Variants in CRYZL1 observed in about 807,000 individuals in gnomAD.
The protein encoded by CRYZL1 is crystallin zeta like 1.
In CRYZL1, 34 loss-of-function variants were observed where a neutral mutation model predicts 50.6. The ratio of observed to expected loss-of-function variants is 0.67; its 90% confidence interval spans 0.51 to 0.89. The LOEUF (loss-of-function observed/expected upper bound fraction) is 0.89. Among genes scored for constraint, CRYZL1 ranks in the 40% least tolerant of loss-of-function variants. CRYZL1 has a pLI of 0.00. For missense variants in CRYZL1, 354 were observed against 402.3 expected (o/e 0.88, Z 1.03); for synonymous variants, 125 against 134.3 (o/e 0.93, Z 0.48).
At chr21:33,641,230 G>A in intron 1 of CRYZL1, 1 of 1,550,592 alleles carries the variant, frequency 6.4e-7, no homozygotes, top group Non-Finnish European at 8.7e-7. Context: ...GGCCGATCTG[G>A]CTCAAAAGCC....
At chr21:33,634,782 C>T (rs572438433) in intron 1 of CRYZL1, among the ~76,000 whole-genome samples, 1 of 151,842 alleles carries the variant, frequency 6.6e-6, no homozygotes, top group Admixed American at 6.6e-5. Context: ...CCCAGATAAG[C>T]AGTCACATGG....
chr21:33,595,966 TTAA>T, intron 10 of CRYZL1, 130 bp from the exon 11 acceptor site: 1 of 669,820 alleles, frequency 1.5e-6, no homozygotes, highest in Non-Finnish European at 2.7e-6. Context: ...CACATAAACT[TTAA>T]TAACGTAAAC....
intron 1 of CRYZL1, among the ~76,000 whole-genome samples, chr21:33,634,535 G>A (rs1324836239): frequency 2.0e-5 from 3 of 150,510 alleles, no homozygotes; most frequent in African/African-American, 4.9e-5. Context: ...ATGAAACCTT[G>A]CTTTATTTAT....
At chr21:33,638,035 T>G (rs1032985962) in intron 1 of CRYZL1, among the ~76,000 whole-genome samples, 2 of 152,026 alleles carry the variant, frequency 1.3e-5, no homozygotes, top group African/African-American at 4.8e-5. Flanking sequence ...ATTTTAACAA[T>G]GTTCACATTA....
intron 6 of CRYZL1, among the ~76,000 whole-genome samples, chr21:33,610,065 G>C (rs2086855308): frequency 6.6e-6 from 1 of 150,966 alleles, no homozygotes; most frequent in Admixed American, 6.6e-5. Flanking sequence ...GCCAAGGCTG[G>C]TCTTGAACTC....
intron 6 of CRYZL1, among the ~76,000 whole-genome samples, chr21:33,606,428 C>A (rs1037192823): frequency 1.3e-5 from 2 of 151,720 alleles, no homozygotes; most frequent in Admixed American, 1.3e-4. Flanking sequence ...GAGTTTGAGA[C>A]TAGCCTGGCC....
At chr21:33,590,104 G>A (rs745579730) in intron 12 of CRYZL1, among the ~76,000 whole-genome samples, 183 bp from the exon 13 acceptor site, 3 of 151,904 alleles carry the variant, frequency 2.0e-5, no homozygotes, top group East Asian at 1.9e-4. Flanking sequence ...TGCAACCTCC[G>A]GCTCCCGGGT....
chr21:33,638,689 A>T (rs1279038733), intron 1 of CRYZL1, among the ~76,000 whole-genome samples: 1 of 152,210 alleles, frequency 6.6e-6, no homozygotes, highest in East Asian at 1.9e-4. Flanking sequence ...TGTGCCTGTT[A>T]TTATATAAGA....
intron 5 of CRYZL1, among the ~76,000 whole-genome samples, 156 bp from the exon 6 acceptor site, chr21:33,613,762 T>C (rs1204573041): frequency 6.6e-6 from 1 of 152,238 alleles, no homozygotes; most frequent in Admixed American, 6.5e-5. Flanking sequence ...GGATGGGAAG[T>C]GCACTGTGCC....
At position 33,589,645 on chromosome 21, in the gene CRYZL1, A is replaced by T; in HGVS notation, c.*177T>A. 1.8e-6 allele frequency: 1 copy of T among 569,116 alleles called. No individual in the cohort carries two copies. Among genetic ancestry groups the T allele is most frequent in the Non-Finnish European group, 3.2e-6 (1 of 313,916 alleles). The allele number at this position is 569,116 out of a possible 1,614,324, so 35.3% of individuals were successfully genotyped here. A position where few individuals can be genotyped will look rare whatever the true frequency, so the allele number is the denominator to read the frequency against. On this transcript the variant is annotated 3_prime_UTR_variant, in exon 13 of 13. Transcript: ENST00000381554. ...TAGAATTATCTTGATCATTTGCACAAGAATTTTTCAAACACTTTTCAAATG... is the reference window on the plus strand; with the variant it reads ...TAGAATTATCTTGATCATTTGCACATGAATTTTTCAAACACTTTTCAAATG...
intron 11 of CRYZL1, among the ~76,000 whole-genome samples, chr21:33,593,085 A>G (rs1167419638): frequency 6.6e-6 from 1 of 152,002 alleles, no homozygotes; most frequent in Non-Finnish European, 1.5e-5. Flanking sequence ...GAAAATGCAA[A>G]TTAGCAAATA....
rs1265769737 is a variant in CRYZL1 at position 33,637,453 on chromosome 21, A to T, written c.-7+4228T>A. Among the ~76,000 whole-genome samples the T allele has an allele frequency of 2.0e-5, 3 of 151,652 alleles. No individual in the cohort carries two copies. The East Asian group carries it at 5.9e-4, about 30-fold the overall frequency. On this transcript the variant is annotated intron_variant, in intron 1 of 12. Coordinates refer to ENST00000381554, the MANE Select transcript of CRYZL1 (RefSeq NM_145858.3). ...GAGCGAGACTCTGTCTCAAAAAAAAAAAAAAAAAGAGTACCTTAGATCCAT... is the reference window on the plus strand; with the variant it reads ...GAGCGAGACTCTGTCTCAAAAAAAATAAAAAAAAGAGTACCTTAGATCCAT...
At chr21:33,634,893 A>G (rs2087185810) in intron 1 of CRYZL1, among the ~76,000 whole-genome samples, 1 of 149,656 alleles carries the variant, frequency 6.7e-6, no homozygotes. Flanking sequence ...ATATATATAT[A>G]TATATATATA....
intron 5 of CRYZL1, 21 bp from the exon 6 acceptor site, chr21:33,613,627 T>C: frequency 1.3e-6 from 2 of 1,567,120 alleles, no homozygotes; most frequent in Non-Finnish European, 1.8e-6. Flanking sequence ...AAACAAGAAA[T>C]TAAAGGGATG....
Position 33,589,571 on chromosome 21 carries a change from T to C in CRYZL1, c.*251A>G, listed in dbSNP as rs2086620650. ...AATTTTATAGCAGGGGCAAAATATA[T>C]AGAAACAATGAAAAGGTTTTTAGAA... On this transcript the variant is annotated 3_prime_UTR_variant, in exon 13 of 13. Transcript: ENST00000381554. The C allele has an allele frequency of 2.2e-5, 11 of 506,928 alleles. No homozygotes were observed. In the East Asian group the frequency reaches 3.2e-4, roughly 15 times the overall value. 31.4% of individuals were successfully genotyped at this position (506,928 alleles called of 1,614,324 possible). A position where few individuals can be genotyped will look rare whatever the true frequency, so the allele number is the denominator to read the frequency against.
At chr21:33,591,704 G>C (rs1217078502) in intron 11 of CRYZL1, 8 of 153,670 alleles carry the variant, frequency 5.2e-5, no homozygotes, top group Admixed American at 3.9e-4. Context: ...ATGAGGGATT[G>C]GTTCCAGGAC....
chr21:33,629,265 AT>A (rs1465881061), intron 2 of CRYZL1, among the ~76,000 whole-genome samples: 1 of 151,648 alleles, frequency 6.6e-6, no homozygotes, highest in African/African-American at 2.4e-5. Context: ...ACTGCTACTG[AT>A]TTTTTTTCTT....
intron 2 of CRYZL1, among the ~76,000 whole-genome samples, chr21:33,628,765 T>C (rs1273612224): frequency 6.6e-6 from 1 of 151,802 alleles, no homozygotes; most frequent in African/African-American, 2.4e-5. Flanking sequence ...GCATGCCTGG[T>C]TAACTCAAAA....
At chr21:33,626,922 G>A (rs1245554798) in intron 2 of CRYZL1, among the ~76,000 whole-genome samples, 4 of 152,258 alleles carry the variant, frequency 2.6e-5, no homozygotes, top group Non-Finnish European at 5.9e-5. Flanking sequence ...ATGTATCAAA[G>A]GGATTACTGT....
Sources: allele counts gnomAD v4.1 joint callset (sites outside exome capture counted in the v4.1 genomes callset), GRCh38; gene constraint gnomAD v4.1.1; transcripts MANE v1.5; gene names NCBI Gene and HGNC (gene_info 2026-07-23, HGNC 2026-07-21).